Variants in USP30 observed in about 807,000 individuals in gnomAD.
USP30 encodes ubiquitin carboxyl-terminal hydrolase 30.
In USP30, 41 loss-of-function variants were observed where a neutral mutation model predicts 68.2. That is an observed-to-expected ratio of 0.60 (90% CI 0.47 to 0.78). The LOEUF is 0.78. Among genes scored for constraint, USP30 ranks in the 30% least tolerant of loss-of-function variants. The pLI is 0.00. For missense variants in USP30, 522 were observed against 649.4 expected, an observed-to-expected ratio of 0.80 and a Z score of 2.13; for synonymous variants, 229 against 253.7, an observed-to-expected ratio of 0.90 and a Z score of 0.93.
intron 9 of USP30, 55 bp downstream of exon 9, chr12:109,082,074 C>T (rs540439390): frequency 1.5e-5 from 23 of 1,562,948 alleles, no homozygotes; most frequent in Non-Finnish European, 1.9e-5. Context: ...GCTGATGTAG[C>T]GCCTCTCACA....
At chr12:109,048,725 G>A (rs1334868218), upstream of USP30, among the ~76,000 whole-genome samples, 1 of 135,762 alleles carries the variant, frequency 7.4e-6, no homozygotes, top group Non-Finnish European at 1.6e-5. Flanking sequence ...GGGCAACAGA[G>A]TGAGACTCTG....
At chr12:109,035,500 A>T (rs1213813032) in intron 3 of USP30, among the ~76,000 whole-genome samples, 2 of 152,068 alleles carry the variant, frequency 1.3e-5, no homozygotes, top group African/African-American at 4.8e-5. Flanking sequence ...AGTAGTTGGG[A>T]CTACAGGCAT....
intron 3 of USP30, among the ~76,000 whole-genome samples, chr12:109,033,527 G>C (rs1034282443): frequency 6.6e-6 from 1 of 152,186 alleles, no homozygotes; most frequent in African/African-American, 2.4e-5. Context: ...GCAATGCTAT[G>C]TGCCCTGAGT....
chr12:109,067,865 AAG>A (rs2041309880), intron 4 of USP30, among the ~76,000 whole-genome samples: 1 of 152,218 alleles, frequency 6.6e-6, no homozygotes, highest in African/African-American at 2.4e-5. Context: ...ACAGTTGCCA[AAG>A]AGCAAAATCT....
In USP30 at chr12:109,085,799, G is replaced by A. The variant is rs1489733852; in HGVS notation, c.1422G>A (p.Leu474=). 1.2e-6 allele frequency: 2 copies of A among 1,614,128 alleles called. No individual in the cohort carries two copies. The highest frequency in any genetic ancestry group is 1.3e-5 in the African/African-American group (1 of 74,940). ...RNPLSTSNQW[L]WVSDDTVRKA... ...CTCTCTCAACTAGCAATCAGTGGCT[G>A]TGGGTCTCCGATGACACTGTCCGCA... The change falls in exon 13 of 13, where the codon CTG becomes CTA. Residue 474 remains leucine (L), a synonymous_variant. Coordinates refer to ENST00000257548, the MANE Select transcript of USP30 (RefSeq NM_032663.5).
At chr12:109,052,077 G>C (rs1165155591), upstream of USP30, among the ~76,000 whole-genome samples, 1 of 152,176 alleles carries the variant, frequency 6.6e-6, no homozygotes, top group African/African-American at 2.4e-5. Context: ...GGTAATGTTA[G>C]AGTTGGTGTG....
chr12:109,033,357 G>A (rs1397690504), intron 3 of USP30, among the ~76,000 whole-genome samples: 1 of 152,216 alleles, frequency 6.6e-6, no homozygotes, highest in Admixed American at 6.5e-5. Context: ...ATTGGCACTG[G>A]TAAAGTTTGG....
intron 3 of USP30, among the ~76,000 whole-genome samples, chr12:109,044,452 A>C (rs2040586440): frequency 6.6e-6 from 1 of 152,138 alleles, no homozygotes; most frequent in South Asian, 2.1e-4. Flanking sequence ...AGCCTGGGCA[A>C]CATAGTGAGA....
chr12:109,053,150 T>TA (rs1295749759), intron 1 of USP30, among the ~76,000 whole-genome samples: 1 of 152,038 alleles, frequency 6.6e-6, no homozygotes, highest in African/African-American at 2.4e-5. Flanking sequence ...CCCCCAATCA[T>TA]ATCAGTTTCT....
At chr12:109,050,911 G>A (rs1002945764), upstream of USP30, among the ~76,000 whole-genome samples, 2 of 152,072 alleles carry the variant, frequency 1.3e-5, no homozygotes, top group African/African-American at 2.4e-5. Flanking sequence ...GGAGGCTGAG[G>A]CAGGATAATC....
chr12:109,040,023 A>G (rs1489530854), intron 3 of USP30, among the ~76,000 whole-genome samples: 1 of 152,186 alleles, frequency 6.6e-6, no homozygotes, highest in Non-Finnish European at 1.5e-5. Context: ...TCACATTTTA[A>G]TTATCATATG....
At position 109,087,014 on chromosome 12, in the gene USP30, CAT is replaced by C. The variant is rs938777163; in HGVS notation, c.*1087_*1088del. On this transcript the variant is annotated 3_prime_UTR_variant, in exon 13 of 13. Transcript: ENST00000257548. ...AAGCAGCTTTTGACTTTTTAAAAAACATATAACTACAGCTGGCATCTAGTATT... is the reference window on the plus strand; with the variant it reads ...AAGCAGCTTTTGACTTTTTAAAAAACATAACTACAGCTGGCATCTAGTATT... 1 of 151,968 alleles carries C rather than the reference CAT, an allele frequency of 6.6e-6. No homozygotes were observed. The highest frequency in any genetic ancestry group is 2.4e-5 in the African/African-American group (1 of 41,372). 9.4% of individuals were successfully genotyped at this position (151,968 alleles called of 1,614,324 possible).
intron 3 of USP30, among the ~76,000 whole-genome samples, chr12:109,043,495 C>G (rs552341583): frequency 6.6e-6 from 1 of 152,296 alleles, no homozygotes; most frequent in East Asian, 1.9e-4. Context: ...CAGTCTTCAT[C>G]AAATAGTTCT....
chr12:109,082,635 C>G, intron 9 of USP30, 28 bp from the exon 10 acceptor site: 1 of 1,610,316 alleles, frequency 6.2e-7, no homozygotes, highest in South Asian at 1.1e-5. Context: ...TTAGGCATTG[C>G]TGCAGAGAAA....
At chr12:109,033,264 T>C (rs967781949) in intron 3 of USP30, among the ~76,000 whole-genome samples, 1 of 152,240 alleles carries the variant, frequency 6.6e-6, no homozygotes, top group African/African-American at 2.4e-5. Flanking sequence ...GACCGGGTAG[T>C]CTTCAGTATG....
intron 3 of USP30, 128 bp downstream of exon 3, chr12:109,058,236 A>G: frequency 9.5e-7 from 1 of 1,055,112 alleles, no homozygotes; most frequent in South Asian, 1.9e-5. Context: ...TGAATAAACA[A>G]CACCAAGAGC....
intron 7 of USP30, among the ~76,000 whole-genome samples, chr12:109,080,328 A>G (rs10774961): frequency 0.45 from 67,849 of 152,048 alleles, 16,796 homozygotes; most frequent in East Asian, 0.69. Context: ...AAAAGCCACA[A>G]ACACACAAAT....
chr12:109,071,799 T>A, intron 5 of USP30, 89 bp downstream of exon 5: 2 of 1,238,740 alleles, frequency 1.6e-6, no homozygotes, highest in Non-Finnish European at 2.3e-6. Context: ...TGTACAACTT[T>A]AAAAGTAAGA....
chr12:109,084,664 T>C (rs1246187899), intron 11 of USP30, among the ~76,000 whole-genome samples: 1 of 152,214 alleles, frequency 6.6e-6, no homozygotes, highest in African/African-American at 2.4e-5. Context: ...TAGCTACTGA[T>C]TAACTTTGAT....
Sources: allele counts gnomAD v4.1 joint callset (sites outside exome capture counted in the v4.1 genomes callset), GRCh38; gene constraint gnomAD v4.1.1; transcripts MANE v1.5; gene names NCBI Gene and HGNC (gene_info 2026-07-23, HGNC 2026-07-21).